The following FNDC3A variants were observed in gnomAD, a reference collection of about 807,000 sequenced individuals.
The protein encoded by FNDC3A is fibronectin type-III domain-containing protein 3A.
FNDC3A carries 32 observed loss-of-function variants against 148.9 expected under a neutral mutation model. The ratio of observed to expected loss-of-function variants is 0.21; its 90% CI spans 0.16 to 0.29. The LOEUF is 0.29. Among genes scored for constraint, FNDC3A ranks in the 10% least tolerant of loss-of-function variants. FNDC3A has a pLI of 1.00. For missense variants in FNDC3A, 1,191 were observed against 1,452.8 expected (o/e 0.82, Z 2.93); for synonymous variants, 472 against 473.6 (o/e 1.00, Z 0.04).
intron 23 of FNDC3A, among the ~76,000 whole-genome samples, chr13:49,200,458 C>T (rs1035563777): frequency 6.6e-6 from 1 of 152,050 alleles, no homozygotes; most frequent in African/African-American, 2.4e-5. Flanking sequence ...TTGCCTTGTA[C>T]AGGTTTTTGG....
intron 2 of FNDC3A, among the ~76,000 whole-genome samples, chr13:49,059,292 C>A (rs1876483097): frequency 1.3e-5 from 2 of 152,202 alleles, no homozygotes; most frequent in Admixed American, 6.5e-5. Flanking sequence ...GGTAAATCTT[C>A]ATGGCCTTGG....
intron 3 of FNDC3A, among the ~76,000 whole-genome samples, chr13:49,079,631 T>C (rs1181060058): frequency 6.6e-6 from 1 of 152,184 alleles, no homozygotes; most frequent in Non-Finnish European, 1.5e-5. Flanking sequence ...AAATATGTGG[T>C]ACCTGTTGAA....
At chr13:49,170,503 CA>C (rs1389421799) in intron 10 of FNDC3A, among the ~76,000 whole-genome samples, 6 of 152,116 alleles carry the variant, frequency 3.9e-5, no homozygotes, top group Non-Finnish European at 8.8e-5. Context: ...ATGGTGATGA[CA>C]AAAAGCTCAC....
intron 3 of FNDC3A, among the ~76,000 whole-genome samples, chr13:49,077,195 C>G (rs1210548305): frequency 6.6e-6 from 1 of 152,168 alleles, no homozygotes; most frequent in Non-Finnish European, 1.5e-5. Context: ...ATTGCTTGAG[C>G]CCAAAAATTT....
chr13:49,101,805 T>G (rs896682617), intron 3 of FNDC3A, among the ~76,000 whole-genome samples: 104 of 151,414 alleles, frequency 6.9e-4, no homozygotes, highest in African/African-American at 2.3e-3. Context: ...TTTTTTTTTT[T>G]TTTTTTTTTT....
At chr13:49,152,362 G>C (rs927065443) in intron 8 of FNDC3A, among the ~76,000 whole-genome samples, 4 of 152,142 alleles carry the variant, frequency 2.6e-5, no homozygotes, top group African/African-American at 9.7e-5. Context: ...TCTGTTGGCT[G>C]CATGAATGTC....
chr13:49,021,603 A>G (rs1186769984), intron 2 of FNDC3A, among the ~76,000 whole-genome samples: 1 of 152,220 alleles, frequency 6.6e-6, no homozygotes, highest in Non-Finnish European at 1.5e-5. Context: ...GGAATAGAGC[A>G]AATTAAAATG....
intron 8 of FNDC3A, among the ~76,000 whole-genome samples, chr13:49,159,918 G>A (rs919459752): frequency 1.2e-4 from 19 of 152,152 alleles, no homozygotes; most frequent in Admixed American, 1.1e-3. Context: ...GATGGATTAC[G>A]TTTATTGATT....
At chr13:49,143,760 AG>A (rs1432562574) in intron 7 of FNDC3A, among the ~76,000 whole-genome samples, 3 of 152,322 alleles carry the variant, frequency 2.0e-5, no homozygotes, top group Non-Finnish European at 4.4e-5. Flanking sequence ...CAGTATCACC[AG>A]GCAAATTAGT....
chr13:49,125,691 TC>T (rs1275294641), intron 4 of FNDC3A, among the ~76,000 whole-genome samples: 3 of 152,134 alleles, frequency 2.0e-5, no homozygotes, highest in African/African-American at 7.2e-5. Flanking sequence ...TATTAGAGCA[TC>T]AACCCATGTG....
intron 2 of FNDC3A, among the ~76,000 whole-genome samples, chr13:49,037,083 G>C (rs1199415507): frequency 6.6e-6 from 1 of 152,200 alleles, no homozygotes; most frequent in Non-Finnish European, 1.5e-5. Context: ...TAAGCATTGT[G>C]TTCTAGGTAT....
rs1037711575 is a variant in FNDC3A at position 49,175,386 on chromosome 13, T to G, written c.1375T>G (p.Leu459Val). Residue 459 changes from leucine (L) to valine (V), a missense_variant, in exon 13 of 26, where the codon TTA becomes GTA. Physicochemically the swap from Leu to Val is conservative, Grantham distance 32. This residue lies in a region of FNDC3A where 751 missense variants were observed against 944.0 expected (regional missense o/e 0.80). Transcript: ENST00000492622. ...YGTSGFSEEV[L>V]YYTSGCAPSM... is the part of the protein sequence containing the mutation. ...CAACAGTGGTTTTAGTGAAGAAGTCTTATATTACACCTCAGGCTGTGCTCC... is the reference window on the plus strand; with the variant it reads ...CAACAGTGGTTTTAGTGAAGAAGTCGTATATTACACCTCAGGCTGTGCTCC... 1 of 1,587,948 alleles carries G rather than the reference T, an allele frequency of 6.3e-7. No homozygotes were observed. Among genetic ancestry groups the G allele is most frequent in the Non-Finnish European group, 8.5e-7 (1 of 1,170,134 alleles).
intron 2 of FNDC3A, among the ~76,000 whole-genome samples, chr13:49,013,638 A>ATG (rs1555278185): frequency 6.6e-6 from 1 of 150,740 alleles, no homozygotes; most frequent in South Asian, 2.1e-4. Flanking sequence ...ACATGTATAC[A>ATG]TGTACATGTG....
chr13:49,159,802 G>C (rs537651059), intron 8 of FNDC3A, among the ~76,000 whole-genome samples: 1 of 152,110 alleles, frequency 6.6e-6, no homozygotes, highest in African/African-American at 2.4e-5. Context: ...TCAATACCTA[G>C]TTTATTCAGA....
chr13:48,989,640 AT>A (rs1951872610), intron 1 of FNDC3A, among the ~76,000 whole-genome samples: 1 of 152,278 alleles, frequency 6.6e-6, no homozygotes, highest in Non-Finnish European at 1.5e-5. Flanking sequence ...ATTTGAAGAA[AT>A]AATGGCTATT....
intron 7 of FNDC3A, among the ~76,000 whole-genome samples, chr13:49,139,908 A>G (rs1327038469): frequency 6.6e-6 from 1 of 152,260 alleles, no homozygotes; most frequent in Non-Finnish European, 1.5e-5. Flanking sequence ...AAATTTAGGC[A>G]GTATCCTTCC....
chr13:49,146,649 A>C (rs1284520388), intron 8 of FNDC3A: 1 of 152,220 alleles, frequency 6.6e-6, no homozygotes, highest in Admixed American at 6.5e-5. Context: ...AGGCAGGAGA[A>C]TCGCTTGAAC....
At chr13:49,021,424 C>G (rs1171060460) in intron 2 of FNDC3A, among the ~76,000 whole-genome samples, 1 of 152,168 alleles carries the variant, frequency 6.6e-6, no homozygotes, top group East Asian at 1.9e-4. Flanking sequence ...CTGGGTGTTT[C>G]CAGGGAACTG....
chr13:49,207,611 G>T lies in FNDC3A; in HGVS notation c.*216G>T. On this transcript the variant is annotated 3_prime_UTR_variant, in exon 26 of 26. Coordinates refer to ENST00000492622, the MANE Select transcript of FNDC3A (RefSeq NM_001079673.2). ...ATATCAATTTTGTTTTTTTTGTTAG[G>T]GTGGGTCTTCTTTTTTTCTTTCCCT... The T allele has an allele frequency of 1.2e-5, 5 of 416,320 alleles. No individual in the cohort carries two copies. Among genetic ancestry groups the T allele is most frequent in the South Asian group, 5.2e-5 (1 of 19,178 alleles). The allele number at this position is 416,320 out of a possible 1,614,324, so 25.8% of individuals were successfully genotyped here.
Sources: allele counts gnomAD v4.1 joint callset (sites outside exome capture counted in the v4.1 genomes callset), GRCh38; gene constraint gnomAD v4.1.1; regional missense constraint gnomAD v4.1.1; transcripts MANE v1.5; gene names NCBI Gene and HGNC (gene_info 2026-07-23, HGNC 2026-07-21).